Variants in KCNH8 observed in about 807,000 individuals in gnomAD.
KCNH8 encodes potassium voltage-gated channel subfamily H member 8.
KCNH8 carries 70 observed loss-of-function variants against 103.6 expected under a neutral mutation model. That is an observed-to-expected ratio of 0.68 (90% CI 0.56 to 0.82). KCNH8 has a LOEUF of 0.82. Ranked by LOEUF, KCNH8 falls within the 40% of genes least tolerant of loss-of-function variation. The pLI is 0.00. For synonymous variants in KCNH8, 498 were observed against 489.4 expected, an observed-to-expected ratio of 1.02 and a Z score of -0.23; for missense variants, 1,217 against 1,329.9, an observed-to-expected ratio of 0.92 and a Z score of 1.32.
intron 2 of KCNH8, among the ~76,000 whole-genome samples, chr3:19,266,286 T>G (rs549736559): frequency 2.5e-4 from 38 of 152,208 alleles, no homozygotes; most frequent in Admixed American, 9.2e-4. Context: ...TGTCAGCACA[T>G]CCCAGACTTC....
rs556325673 is a variant in KCNH8, at chr3:19,183,221, T to G, written c.76+34426T>G. Among the ~76,000 whole-genome samples the G allele has an allele frequency of 2.0e-5, 3 of 152,272 alleles. No individual in the cohort carries two copies. In the South Asian group the frequency reaches 6.2e-4, roughly 32 times the overall value. Reference sequence around the variant, plus strand: ...ATAAAAAAGGAAATGAGATATGTAATTAAGAAAAAAATAGTATTTTTATTT... The same window carrying G: ...ATAAAAAAGGAAATGAGATATGTAAGTAAGAAAAAAATAGTATTTTTATTT... On this transcript the variant is annotated intron_variant, in intron 1 of 15. Transcript: ENST00000328405.
intron 11 of KCNH8, among the ~76,000 whole-genome samples, chr3:19,502,009 A>G (rs1299348331): frequency 6.6e-6 from 1 of 151,938 alleles, no homozygotes; most frequent in African/African-American, 2.4e-5. Flanking sequence ...ACATGATTGT[A>G]TATCTAGAAA....
intron 1 of KCNH8, among the ~76,000 whole-genome samples, chr3:19,186,304 GA>G (rs1038621129): frequency 5.0e-5 from 7 of 140,160 alleles, no homozygotes; most frequent in South Asian, 2.2e-4. Context: ...AAAAAAAAAA[GA>G]AAAAAAATTG....
At chr3:19,291,664 G>T (rs186654534) in intron 3 of KCNH8, among the ~76,000 whole-genome samples, 1 of 152,142 alleles carries the variant, frequency 6.6e-6, no homozygotes, top group Non-Finnish European at 1.5e-5. Flanking sequence ...TTACTTCCAA[G>T]TATGTGGTCA....
At chr3:19,406,743 A>C (rs192133767) in intron 7 of KCNH8, among the ~76,000 whole-genome samples, 11 of 152,270 alleles carry the variant, frequency 7.2e-5, no homozygotes, top group Admixed American at 3.9e-4. Flanking sequence ...TTTAGAGATA[A>C]TATATTCTAA....
At chr3:19,448,099 A>G (rs1360737935) in intron 8 of KCNH8, among the ~76,000 whole-genome samples, 1 of 151,994 alleles carries the variant, frequency 6.6e-6, no homozygotes, top group Non-Finnish European at 1.5e-5. Flanking sequence ...TTTCACTTTC[A>G]TAAGGAAAAT....
chr3:19,463,505 C>A (rs1575095825), intron 11 of KCNH8, among the ~76,000 whole-genome samples: 1 of 150,914 alleles, frequency 6.6e-6, no homozygotes, highest in African/African-American at 2.4e-5. Context: ...AGACAACAAG[C>A]AGATAAAAAA....
chr3:19,342,521 C>T, intron 3 of KCNH8, 66 bp from the exon 4 acceptor site: 1 of 1,519,982 alleles, frequency 6.6e-7, no homozygotes, highest in Non-Finnish European at 8.9e-7. Flanking sequence ...AGGGAACTGT[C>T]AAAATGACAT....
In KCNH8 at chr3:19,283,492, A is replaced by G. The variant is rs548541367; in HGVS notation, c.442+2163A>G. Reference sequence around the variant, plus strand: ...TGCTAGTAAGTCCCTAGATATATTTATCTCAACATTATCTCATATAAAAAT... The same window carrying G: ...TGCTAGTAAGTCCCTAGATATATTTGTCTCAACATTATCTCATATAAAAAT... On this transcript the variant is annotated intron_variant, in intron 3 of 15. Coordinates refer to ENST00000328405, the MANE Select transcript of KCNH8 (RefSeq NM_144633.3). 9.2e-5 allele frequency among the ~76,000 whole-genome samples: 14 copies of G among 152,280 alleles called. No homozygotes were observed. The South Asian group carries it at 2.7e-3, about 29-fold the overall frequency.
chr3:19,398,176 A>G (rs1403693253), intron 7 of KCNH8, among the ~76,000 whole-genome samples: 1 of 152,020 alleles, frequency 6.6e-6, no homozygotes, highest in African/African-American at 2.4e-5. Flanking sequence ...TGCCCATTAC[A>G]TACTTGGTTC....
intron 1 of KCNH8, among the ~76,000 whole-genome samples, chr3:19,243,927 T>C (rs2064173213): frequency 6.6e-6 from 1 of 152,186 alleles, no homozygotes. Flanking sequence ...TCTTAGAATA[T>C]GGCTGGTTTC....
intron 5 of KCNH8, among the ~76,000 whole-genome samples, chr3:19,375,734 G>T (rs2066185000): frequency 6.6e-6 from 1 of 151,882 alleles, no homozygotes; most frequent in South Asian, 2.1e-4. Context: ...CATCTTTGTG[G>T]TTTTATCTAC....
At chr3:19,485,358 G>A (rs1193551985) in intron 11 of KCNH8, among the ~76,000 whole-genome samples, 1 of 152,224 alleles carries the variant, frequency 6.6e-6, no homozygotes, top group Non-Finnish European at 1.5e-5. Context: ...AAAAGGAGCT[G>A]CTCCATAAGC....
At chr3:19,266,832 T>G (rs1047445966) in intron 2 of KCNH8, among the ~76,000 whole-genome samples, 1 of 152,150 alleles carries the variant, frequency 6.6e-6, no homozygotes, top group African/African-American at 2.4e-5. Context: ...AAGAAAGACC[T>G]CTGACCTCAT....
intron 1 of KCNH8, among the ~76,000 whole-genome samples, chr3:19,251,220 C>T (rs2064273208): frequency 6.6e-6 from 1 of 152,124 alleles, no homozygotes; most frequent in Non-Finnish European, 1.5e-5. Flanking sequence ...ATCTAATGAA[C>T]TTTTTGCATC....
Position 19,518,058 on chromosome 3 carries a change from A to G in KCNH8, c.2603A>G (p.Asn868Ser), listed in dbSNP as rs1245072523. 1 of 1,611,856 alleles carries G rather than the reference A, an allele frequency of 6.2e-7. No homozygotes were observed. Reference sequence around the variant, plus strand: ...GCAGAGGAGACCAAGCAGCAGATAAACAAACTCAACAGTGAGGTATGGAGC... The same window carrying G: ...GCAGAGGAGACCAAGCAGCAGATAAGCAAACTCAACAGTGAGGTATGGAGC... ...IKAEETKQQI[N>S]KLNSEVTTLT... Residue 868 changes from asparagine to serine, a missense_variant, in exon 15 of 16, where the codon AAC becomes AGC. By Grantham distance (46) the Asn-to-Ser change is conservative. Transcript: ENST00000328405.
chr3:19,378,065 G>A (rs1168860888), intron 5 of KCNH8, among the ~76,000 whole-genome samples: 3 of 152,102 alleles, frequency 2.0e-5, no homozygotes, highest in Admixed American at 1.3e-4. Context: ...TGTTGGGGGC[G>A]GTTCTCTTAG....
chr3:19,278,336 G>A (rs2064705114), intron 2 of KCNH8, among the ~76,000 whole-genome samples: 2 of 151,242 alleles, frequency 1.3e-5, no homozygotes, highest in Admixed American at 1.3e-4. Flanking sequence ...AAATATACCT[G>A]AATATTCGTA....
At chr3:19,359,948 C>CT (rs1377473024) in intron 5 of KCNH8, among the ~76,000 whole-genome samples, 2 of 151,892 alleles carry the variant, frequency 1.3e-5, no homozygotes, top group Non-Finnish European at 2.9e-5. Context: ...CTTCTGTGAA[C>CT]TTTTGAGTTT....
Sources: allele counts gnomAD v4.1 joint callset (sites outside exome capture counted in the v4.1 genomes callset), GRCh38; gene constraint gnomAD v4.1.1; transcripts MANE v1.5; gene names NCBI Gene and HGNC (gene_info 2026-07-23, HGNC 2026-07-21).